ENO1: variants seen among roughly 807,000 people sequenced by gnomAD.
The protein encoded by ENO1 is enolase 1, also known as alpha-enolase.
In ENO1, 33 loss-of-function variants were observed where a neutral mutation model predicts 46.3. The ratio of observed to expected loss-of-function variants is 0.71; its 90% CI spans 0.54 to 0.95. The LOEUF (loss-of-function observed/expected upper bound fraction) is 0.95. Ranked by LOEUF, ENO1 falls within the 40% of genes least tolerant of loss-of-function variation. The pLI is 0.00. For synonymous variants in ENO1, 220 were observed against 216.0 expected, an observed-to-expected ratio of 1.02 and a Z score of -0.16; for missense variants, 488 against 553.3, an observed-to-expected ratio of 0.88 and a Z score of 1.18.
intron 1 of ENO1, among the ~76,000 whole-genome samples, chr1:8,877,228 A>T (rs1042635593): frequency 1.3e-5 from 2 of 152,022 alleles, no homozygotes; most frequent in African/African-American, 4.8e-5. Context: ...CTAGGATTAC[A>T]GGCGTGAGCC....
intron 11 of ENO1, among the ~76,000 whole-genome samples, chr1:8,861,880 T>C (rs1315434604): frequency 1.8e-5 from 2 of 112,588 alleles, no homozygotes; most frequent in Admixed American, 9.8e-5. Context: ...ATCTTGATGT[T>C]AAAAAAAAAA....
intron 7 of ENO1, 64 bp downstream of exon 7, chr1:8,866,215 C>G: frequency 1.4e-6 from 2 of 1,445,384 alleles, no homozygotes; most frequent in Non-Finnish European, 1.9e-6. Flanking sequence ...GTGTGGACGA[C>G]CCCCCAACAG....
chr1:8,864,824 C>CTGTGT (rs1019419711), intron 8 of ENO1, among the ~76,000 whole-genome samples: 8 of 152,190 alleles, frequency 5.3e-5, no homozygotes, highest in Non-Finnish European at 1.2e-4. Flanking sequence ...CCACCATTTG[C>CTGTGT]TGTGTGCTCT....
rs762074733 is a variant in ENO1, at chr1:8,867,232, G to A, written c.329C>T (p.Ala110Val). 1 of 1,614,144 alleles carries A rather than the reference G, an allele frequency of 6.2e-7. No homozygotes were observed. ...TENKSKFGANAILGVSLAVCK... is the reference protein window; with the variant it reads ...TENKSKFGANVILGVSLAVCK... ...GACGGCAAGGGACACCCCCAGAATG[G>A]CGTTCGCACCAAACTTAGCTAGAAC... The change falls in exon 6 of 12, where the codon GCC (alanine) becomes GTC (valine). Residue 110 changes from alanine (A) to valine (V), a missense_variant. Ala to Val is a moderately conservative substitution (Grantham distance 64). Coordinates refer to ENST00000234590, the MANE Select transcript of ENO1 (RefSeq NM_001428.5).
At position 8,867,364 on chromosome 1, in the gene ENO1, C is replaced by A. The variant is rs1642543054; in HGVS notation, c.311-114G>T. On this transcript the variant is annotated intron_variant, in intron 5 of 11. Transcript: ENST00000234590. ...ACCATCTCCTCCCCCATCACACCTCCATTTCACTGTTACTAGAAATACAAA... is the reference window on the plus strand; with the variant it reads ...ACCATCTCCTCCCCCATCACACCTCAATTTCACTGTTACTAGAAATACAAA... 5 of 1,391,546 alleles carry A rather than the reference C, an allele frequency of 3.6e-6. No homozygotes were observed. In the East Asian group the frequency reaches 1.2e-4, roughly 32 times the overall value. 86.2% of individuals were successfully genotyped at this position (1,391,546 alleles called of 1,614,324 possible).
At position 8,861,376 on chromosome 1, in the gene ENO1, T is replaced by C; in HGVS notation, c.1289A>G (p.Asn430Ser). ...GCCCACAGCTTACTTGGCCAAGGGG[T>C]TTCTGAAGTTCCTGCCGGCAAACTT... ...KAKFAGRNFR[N>S]PLAK The change falls in exon 12 of 12, where the codon AAC becomes AGC. Residue 430 changes from asparagine (N) to serine (S), a missense_variant. Transcript: ENST00000234590. The C allele has an allele frequency of 6.2e-7, 1 of 1,613,668 alleles. No individual in the cohort carries two copies. The highest frequency in any genetic ancestry group is 1.7e-4 in the Middle Eastern group (1 of 5,928).
chr1:8,861,880 TAAAA>T (rs749592337), intron 11 of ENO1, among the ~76,000 whole-genome samples: 1 of 112,584 alleles, frequency 8.9e-6, no homozygotes, highest in Non-Finnish European at 1.7e-5. Context: ...ATCTTGATGT[TAAAA>T]AAAAAAAAAA....
chr1:8,878,218 T>G (rs1214311481), intron 1 of ENO1: 4 of 197,374 alleles, frequency 2.0e-5, no homozygotes, highest in Non-Finnish European at 3.1e-5. Flanking sequence ...ACCTTACACT[T>G]GGCTACGATG....
chr1:8,863,858 G>GCGGGAAAGCTGCT, intron 9 of ENO1, 33 bp downstream of exon 9: 1 of 1,611,596 alleles, frequency 6.2e-7, no homozygotes, highest in Non-Finnish European at 8.5e-7. Context: ...AGCCGTAGCT[G>GCGGGAAAGCTGCT]CGGGAAAGCT....
At chr1:8,862,819 T>G in intron 11 of ENO1, 68 bp downstream of exon 11, 1 of 1,542,642 alleles carries the variant, frequency 6.5e-7, no homozygotes, top group Non-Finnish European at 8.9e-7. Context: ...GGGAGGGCAG[T>G]GCCTACACTG....
chr1:8,867,637 G>A (rs2765508), intron 5 of ENO1, among the ~76,000 whole-genome samples: 1 of 151,846 alleles, frequency 6.6e-6, no homozygotes, highest in Non-Finnish European at 1.5e-5. Context: ...CTTACTGCAA[G>A]CTCCGCCCGG....
chr1:8,862,480 C>T (rs1035222592), intron 11 of ENO1, among the ~76,000 whole-genome samples: 5 of 152,224 alleles, frequency 3.3e-5, no homozygotes, highest in African/African-American at 1.2e-4. Context: ...AGTGGAAACC[C>T]AGCCATGTGC....
At chr1:8,863,207 G>A (rs1642440706) in intron 10 of ENO1, 28 bp downstream of exon 10, 1 of 1,611,168 alleles carries the variant, frequency 6.2e-7, no homozygotes, top group Non-Finnish European at 8.5e-7. Context: ...TGAGGTCAGA[G>A]AAGAAAGGAG....
At chr1:8,877,632 G>C (rs1642762055) in intron 1 of ENO1, 1 of 151,690 alleles carries the variant, frequency 6.6e-6, no homozygotes, top group South Asian at 2.1e-4. Flanking sequence ...GAGGCGGGCG[G>C]ATCACCTGAG....
intron 3 of ENO1, chr1:8,870,765 G>C: frequency 7.1e-7 from 1 of 1,417,306 alleles, no homozygotes; most frequent in Non-Finnish European, 9.2e-7. Flanking sequence ...CTGGAGGTTA[G>C]TTTGCAAGAC....
chr1:8,877,713 A>T (rs12047420), intron 1 of ENO1: 2 of 100,030 alleles, frequency 2.0e-5, no homozygotes, highest in Non-Finnish European at 4.6e-5. Context: ...ACAACAACAA[A>T]AAAAAAACAA....
At chr1:8,865,536 T>C (rs1284558477) in intron 7 of ENO1, 54 bp from the exon 8 acceptor site, 8 of 1,573,374 alleles carry the variant, frequency 5.1e-6, no homozygotes, top group South Asian at 1.1e-5. Flanking sequence ...CAGAGAAAAC[T>C]TCCCTTCAAC....
intron 1 of ENO1, chr1:8,875,884 C>G (rs1206638318): frequency 6.6e-6 from 1 of 152,080 alleles, no homozygotes; most frequent in Non-Finnish European, 1.5e-5. Flanking sequence ...CCAAAGCATG[C>G]TAGGATGATT....
intron 6 of ENO1, 183 bp from the exon 7 acceptor site, chr1:8,866,684 A>G: frequency 1.5e-6 from 1 of 651,454 alleles, no homozygotes; most frequent in Non-Finnish European, 2.6e-6. Context: ...ATGTTTTTAG[A>G]GACAGGGTTT....
Sources: allele counts gnomAD v4.1 joint callset (sites outside exome capture counted in the v4.1 genomes callset), GRCh38; gene constraint gnomAD v4.1.1; transcripts MANE v1.5; gene names NCBI Gene and HGNC (gene_info 2026-07-23, HGNC 2026-07-21).